Variants in RAPGEF4 observed in about 807,000 individuals in gnomAD.
RAPGEF4 encodes the protein RAP guanine-nucleotide-exchange factor (GEF) 4.
Under a neutral mutation model 147.9 loss-of-function variants are expected in RAPGEF4, and 66 were observed. The ratio of observed to expected loss-of-function variants is 0.45; its 90% CI spans 0.37 to 0.55. The LOEUF is 0.55. Ranked by LOEUF, RAPGEF4 falls within the 20% of genes least tolerant of loss-of-function variation. The pLI is 0.00. For synonymous variants in RAPGEF4, 419 were observed against 442.7 expected (o/e 0.95, Z 0.67); for missense variants, 1,071 against 1,257.3 (o/e 0.85, Z 2.24).
intron 22 of RAPGEF4, among the ~76,000 whole-genome samples, 195 bp downstream of exon 22, chr2:173,018,997 C>T (rs980576531): frequency 6.6e-6 from 1 of 152,122 alleles, no homozygotes; most frequent in Non-Finnish European, 1.5e-5. Context: ...CTGGTAGGTA[C>T]CCACTCTAAA....
In RAPGEF4 at chr2:173,008,149, C is replaced by T. The variant is rs568883245; in HGVS notation, c.1659-6315C>T. Among the ~76,000 whole-genome samples the T allele has an allele frequency of 4.6e-5, 7 of 152,296 alleles. No individual in the cohort carries two copies. The East Asian group carries it at 1.4e-3, about 29-fold the overall frequency. On this transcript the variant is annotated intron_variant, in intron 17 of 30. Coordinates refer to ENST00000397081, the MANE Select transcript of RAPGEF4 (RefSeq NM_007023.4). ...TTATAAGGGGCATTTCCCACCTTCA[C>T]TTGGCACTTCTCCTTCTTGGTGCCA...
chr2:172,898,296 AG>A (rs1698727707), intron 4 of RAPGEF4, among the ~76,000 whole-genome samples: 1 of 152,176 alleles, frequency 6.6e-6, no homozygotes, highest in East Asian at 1.9e-4. Context: ...AGAAGAGTTG[AG>A]AAGGTAGCTG....
chr2:172,859,523 A>G (rs1235329959), intron 4 of RAPGEF4, among the ~76,000 whole-genome samples: 5 of 152,222 alleles, frequency 3.3e-5, no homozygotes, highest in African/African-American at 1.2e-4. Context: ...GTTAATAATG[A>G]TTTGTTTGAT....
chr2:173,002,172 G>C (rs1693998591), intron 17 of RAPGEF4, among the ~76,000 whole-genome samples: 1 of 152,102 alleles, frequency 6.6e-6, no homozygotes, highest in Non-Finnish European at 1.5e-5. Context: ...AAATTGCTAA[G>C]CTGCTGAGAT....
At chr2:173,037,569 C>T (rs549559252) in intron 29 of RAPGEF4, among the ~76,000 whole-genome samples, 29 of 152,320 alleles carry the variant, frequency 1.9e-4, no homozygotes, top group African/African-American at 5.8e-4. Context: ...CTTTCTTTAG[C>T]TGCATAGTGC....
At chr2:172,880,871 A>G (rs1272315687) in intron 4 of RAPGEF4, among the ~76,000 whole-genome samples, 1 of 152,190 alleles carries the variant, frequency 6.6e-6, no homozygotes, top group East Asian at 1.9e-4. Flanking sequence ...AGATAAATTC[A>G]TTTGTTGTTC....
chr2:172,886,885 A>C (rs1426433456), intron 4 of RAPGEF4, among the ~76,000 whole-genome samples: 1 of 152,152 alleles, frequency 6.6e-6, no homozygotes, highest in Non-Finnish European at 1.5e-5. Context: ...AGCATGCCCT[A>C]GCTATTTAAT....
chr2:173,027,396 C>G, intron 25 of RAPGEF4, 137 bp downstream of exon 25: 1 of 610,586 alleles, frequency 1.6e-6, no homozygotes, highest in Non-Finnish European at 2.6e-6. Context: ...TAGGAATAAC[C>G]AAACTCTTGT....
chr2:172,747,976 G>A (rs1346341057), intron 1 of RAPGEF4, among the ~76,000 whole-genome samples: 1 of 152,150 alleles, frequency 6.6e-6, no homozygotes, highest in East Asian at 1.9e-4. Context: ...GTTCATCCAT[G>A]TTGTCACAAA....
Position 172,765,668 on chromosome 2 carries a change from G to A in RAPGEF4, c.66-29357G>A, listed in dbSNP as rs78450022. On this transcript the variant is annotated intron_variant, in intron 1 of 30. Coordinates refer to ENST00000397081, the MANE Select transcript of RAPGEF4 (RefSeq NM_007023.4). ...AAGCCTGGATCCAGCCATGGCCAACGATTTCCTCATATTTTCCTATGACCT... is the reference window on the plus strand; with the variant it reads ...AAGCCTGGATCCAGCCATGGCCAACAATTTCCTCATATTTTCCTATGACCT... 4.3e-3 allele frequency among the ~76,000 whole-genome samples: 657 copies of A among 152,270 alleles called. 5 individuals are homozygous for A. Among genetic ancestry groups the A allele is most frequent in the African/African-American group, 0.014 (601 of 41,544 alleles).
chr2:172,902,820 C>G (rs749378089), intron 4 of RAPGEF4, among the ~76,000 whole-genome samples: 1 of 152,146 alleles, frequency 6.6e-6, no homozygotes, highest in Non-Finnish European at 1.5e-5. Flanking sequence ...GTAGGATCCA[C>G]TCAAATGACT....
chr2:172,951,687 G>A (rs1688223759), intron 6 of RAPGEF4, among the ~76,000 whole-genome samples: 1 of 152,208 alleles, frequency 6.6e-6, no homozygotes, highest in Non-Finnish European at 1.5e-5. Flanking sequence ...AAAAGGAAGA[G>A]AGGGTGTGGC....
intron 1 of RAPGEF4, among the ~76,000 whole-genome samples, chr2:172,763,316 C>A (rs1574744757): frequency 6.6e-6 from 1 of 152,266 alleles, no homozygotes; most frequent in East Asian, 1.9e-4. Context: ...ATATATTGAA[C>A]AATGTGCTAC....
chr2:172,897,883 C>CTTTATGG (rs10683076), intron 4 of RAPGEF4, among the ~76,000 whole-genome samples: 1 of 151,904 alleles, frequency 6.6e-6, no homozygotes, highest in Admixed American at 6.6e-5. Context: ...ATGTACTGTA[C>CTTTATGG]TTTGTAAAGC....
chr2:172,978,583 C>A (rs1225962750), intron 10 of RAPGEF4, among the ~76,000 whole-genome samples: 1 of 152,194 alleles, frequency 6.6e-6, no homozygotes, highest in Non-Finnish European at 1.5e-5. Context: ...AAGGTAGGGG[C>A]CTGACCAAGT....
intron 16 of RAPGEF4, among the ~76,000 whole-genome samples, chr2:172,998,715 A>G (rs1246489155): frequency 6.6e-6 from 1 of 152,242 alleles, no homozygotes; most frequent in Non-Finnish European, 1.5e-5. Flanking sequence ...CAAGAGCCAT[A>G]TGTAACCTCA....
At position 172,829,514 on chromosome 2, in the gene RAPGEF4, G is replaced by A. The variant is rs540228583; in HGVS notation, c.444+15089G>A. Among the ~76,000 whole-genome samples the A allele has an allele frequency of 1.1e-4, 17 of 152,196 alleles. No individual in the cohort carries two copies. In the East Asian group the frequency reaches 2.9e-3, roughly 26 times the overall value. On this transcript the variant is annotated intron_variant, in intron 4 of 30. Coordinates refer to ENST00000397081, the MANE Select transcript of RAPGEF4 (RefSeq NM_007023.4). ...ACTTGGATTTTACATTTGCAAGGCG[G>A]GTCTCTGTATGTGAATAATACGTAA...
At chr2:172,984,919 T>G (rs1449923591) in intron 11 of RAPGEF4, among the ~76,000 whole-genome samples, 1 of 152,224 alleles carries the variant, frequency 6.6e-6, no homozygotes, top group Non-Finnish European at 1.5e-5. Flanking sequence ...TGGAATTTTT[T>G]TTTAAATGTG....
chr2:172,798,669 G>T (rs147970293), intron 3 of RAPGEF4, among the ~76,000 whole-genome samples: 2 of 104,788 alleles, frequency 1.9e-5, no homozygotes, highest in African/African-American at 3.4e-5. Context: ...CACTTCAAAT[G>T]TGAGAAACAT....
Sources: allele counts gnomAD v4.1 joint callset (sites outside exome capture counted in the v4.1 genomes callset), GRCh38; gene constraint gnomAD v4.1.1; transcripts MANE v1.5; gene names NCBI Gene and HGNC (gene_info 2026-07-23, HGNC 2026-07-21).